The following CACHD1 variants were observed in gnomAD, a reference collection of about 807,000 sequenced individuals.
CACHD1 encodes the protein VWFA and cache domain-containing protein 1.
CACHD1 carries 71 observed loss-of-function variants against 138.7 expected under a neutral mutation model. That is an observed-to-expected ratio of 0.51 (90% CI 0.42 to 0.62). CACHD1 has a LOEUF of 0.62. Ranked by LOEUF, CACHD1 falls within the 20% of genes least tolerant of loss-of-function variation. The pLI, the probability that CACHD1 is intolerant of heterozygous loss-of-function variation, is 0.00. For missense variants in CACHD1, 1,389 were observed against 1,625.3 expected (o/e 0.85, Z 2.50); for synonymous variants, 578 against 591.5 (o/e 0.98, Z 0.33).
intron 8 of CACHD1, among the ~76,000 whole-genome samples, chr1:64,644,032 C>T (rs547279913): frequency 6.6e-6 from 1 of 152,316 alleles, no homozygotes; most frequent in South Asian, 2.1e-4. Context: ...CACATACTGT[C>T]CTCTCTCTCT....
At chr1:64,600,061 A>C (rs759947745) in intron 3 of CACHD1, among the ~76,000 whole-genome samples, 1 of 152,116 alleles carries the variant, frequency 6.6e-6, no homozygotes, top group African/African-American at 2.4e-5. Flanking sequence ...CTGACTTGCT[A>C]TGTGATCTTT....
rs1441719867 is a variant in CACHD1, at chr1:64,666,871, A to AG, written c.2387+704_2387+705insG. Among the ~76,000 whole-genome samples the AG allele has an allele frequency of 4.9e-3, 714 of 145,140 alleles. 21 individuals carry two copies. Among genetic ancestry groups the AG allele is most frequent in the African/African-American group, 0.016 (614 of 37,374 alleles). ...CTCAAAAAAAAAAAAAAAAAAAAAA[A>AG]ACGAGAAAGAAAAAGTACCAAGATA... On this transcript the variant is annotated intron_variant, in intron 16 of 26. Coordinates refer to ENST00000651257, the MANE Select transcript of CACHD1 (RefSeq NM_020925.4).
chr1:64,618,549 C>G (rs1349469284), intron 4 of CACHD1, among the ~76,000 whole-genome samples: 1 of 152,152 alleles, frequency 6.6e-6, no homozygotes, highest in Non-Finnish European at 1.5e-5. Flanking sequence ...ACCCCTGGAG[C>G]AGCATAAAGA....
At chr1:64,664,791 A>G (rs2100704759) in intron 15 of CACHD1, 112 bp downstream of exon 15, 1 of 919,730 alleles carries the variant, frequency 1.1e-6, no homozygotes, top group South Asian at 2.3e-5. Context: ...AGATACTTTC[A>G]TGGTGGTGAA....
intron 17 of CACHD1, 126 bp downstream of exon 17, chr1:64,671,812 T>A: frequency 8.6e-7 from 1 of 1,165,670 alleles, no homozygotes; most frequent in Non-Finnish European, 1.2e-6. Flanking sequence ...GGCCTGGGTG[T>A]CCTATTAAGA....
intron 3 of CACHD1, among the ~76,000 whole-genome samples, chr1:64,594,025 G>A (rs140846142): frequency 2.0e-5 from 3 of 152,066 alleles, no homozygotes; most frequent in African/African-American, 2.4e-5. Context: ...AGGCCGAGGC[G>A]TGGGGATCAT....
At chr1:64,686,449 A>G (rs1650374642) in intron 26 of CACHD1, among the ~76,000 whole-genome samples, 1 of 152,224 alleles carries the variant, frequency 6.6e-6, no homozygotes, top group African/African-American at 2.4e-5. Flanking sequence ...GTATCTTAAG[A>G]AAAACTACTC....
intron 2 of CACHD1, among the ~76,000 whole-genome samples, chr1:64,556,881 T>G (rs1195682563): frequency 6.6e-6 from 1 of 152,080 alleles, no homozygotes; most frequent in Non-Finnish European, 1.5e-5. Flanking sequence ...TTTAAGAAAT[T>G]GGCAAGGCGG....
At chr1:64,494,324 T>C (rs1646294414) in intron 1 of CACHD1, among the ~76,000 whole-genome samples, 1 of 152,150 alleles carries the variant, frequency 6.6e-6, no homozygotes, top group African/African-American at 2.4e-5. Context: ...CACATGAAAT[T>C]TTCTCATCTT....
intron 7 of CACHD1, among the ~76,000 whole-genome samples, chr1:64,638,718 A>C (rs1648604105): frequency 6.6e-6 from 1 of 152,136 alleles, no homozygotes. Flanking sequence ...CAGCAAATGG[A>C]GAGCTATTAC....
intron 3 of CACHD1, 32 bp from the exon 4 acceptor site, chr1:64,602,774 T>G (rs1412574744): frequency 2.0e-6 from 3 of 1,465,408 alleles, no homozygotes. Flanking sequence ...CTGGCCTGAA[T>G]AAGTATTGCT....
chr1:64,677,127 T>G (rs1292985927), intron 22 of CACHD1, 116 bp downstream of exon 22: 1 of 772,878 alleles, frequency 1.3e-6, no homozygotes, highest in Admixed American at 2.4e-5. Context: ...TCCATAAGCC[T>G]TTACCCACCA....
chr1:64,675,070 T>C (rs996800746), intron 19 of CACHD1, among the ~76,000 whole-genome samples: 3 of 152,234 alleles, frequency 2.0e-5, no homozygotes, highest in Admixed American at 6.5e-5. Context: ...CTTTTATTGC[T>C]TCTTGAAGTA....
At chr1:64,615,348 A>G (rs1049396381) in intron 4 of CACHD1, among the ~76,000 whole-genome samples, 1 of 152,194 alleles carries the variant, frequency 6.6e-6, no homozygotes, top group Non-Finnish European at 1.5e-5. Context: ...GCTTCTACAC[A>G]GTGTCAGCAA....
In CACHD1 at chr1:64,470,769, G is replaced by A; in HGVS notation, c.25G>A (p.Glu9Lys). Residue 9 changes from glutamate to lysine, a missense_variant, in exon 1 of 27, where the codon GAG becomes AAG. Glu to Lys is a moderately conservative substitution (Grantham distance 56). Transcript: ENST00000651257. The surrounding 1 kb of genome is among the most constrained non-coding windows in gnomAD (Gnocchi z 5.2). Reference protein sequence around the residue: MARQPEEEETAVARARRPP... With the variant: MARQPEEEKTAVARARRPP... The stretch of plus-strand genomic sequence containing the variant: ...CATGGCCCGCCAGCCGGAGGAAGAG[G>A]AGACGGCCGTGGCCCGGGCGCGGCG... 1.2e-6 allele frequency: 1 copy of A among 849,244 alleles called. No individual in the cohort carries two copies. Among genetic ancestry groups the A allele is most frequent in the Non-Finnish European group, 1.8e-6 (1 of 553,400 alleles). 52.6% of individuals were successfully genotyped at this position (849,244 alleles called of 1,614,324 possible).
At chr1:64,621,955 C>G (rs1053315242) in intron 4 of CACHD1, among the ~76,000 whole-genome samples, 2 of 152,180 alleles carry the variant, frequency 1.3e-5, no homozygotes, top group Non-Finnish European at 2.9e-5. Flanking sequence ...AATTTAAGGT[C>G]AGACAGCTTG....
chr1:64,663,193 G>A (rs964605453), intron 13 of CACHD1, among the ~76,000 whole-genome samples: 8 of 151,338 alleles, frequency 5.3e-5, no homozygotes, highest in East Asian at 1.9e-4. Context: ...GTTTATTGGC[G>A]CATGTCTTTA....
At chr1:64,668,050 C>T (rs1033554026) in intron 16 of CACHD1, among the ~76,000 whole-genome samples, 51 of 151,750 alleles carry the variant, frequency 3.4e-4, no homozygotes, top group African/African-American at 1.2e-3. Flanking sequence ...AGGTTCAGGC[C>T]GGGCACAGTG....
chr1:64,654,793 C>A lies in CACHD1; in HGVS notation c.1772C>A (p.Ala591Asp). ...TGKEAYNVSYAWKMVQDTSFI... is the reference protein window; with the variant it reads ...TGKEAYNVSYDWKMVQDTSFI... ...AAGGAAGCCTACAATGTTAGCTATGCCTGGAAGATGGTGAGTGAGAGGAAG... is the reference window on the plus strand; with the variant it reads ...AAGGAAGCCTACAATGTTAGCTATGACTGGAAGATGGTGAGTGAGAGGAAG... Residue 591 changes from alanine (A) to aspartate (D), a missense_variant, in exon 12 of 27, where the codon GCC (alanine) becomes GAC (aspartate). Ala to Asp is a moderately radical substitution (Grantham distance 126). Coordinates refer to ENST00000651257, the MANE Select transcript of CACHD1 (RefSeq NM_020925.4). 2 of 1,608,972 alleles carry A rather than the reference C, an allele frequency of 1.2e-6. No individual in the cohort carries two copies. The highest frequency in any genetic ancestry group is 1.7e-6 in the Non-Finnish European group (2 of 1,175,386).
Sources: allele counts gnomAD v4.1 joint callset (sites outside exome capture counted in the v4.1 genomes callset), GRCh38; gene constraint gnomAD v4.1.1; non-coding constraint Gnocchi (gnomAD v3.1); transcripts MANE v1.5; gene names NCBI Gene and HGNC (gene_info 2026-07-23, HGNC 2026-07-21).